The following ZNF571 variants were observed in gnomAD, a reference collection of about 807,000 sequenced individuals.
The protein encoded by ZNF571 is zinc finger protein 571.
ZNF571 carries 4 observed loss-of-function variants against 7.7 expected under a neutral mutation model. The ratio of observed to expected loss-of-function variants is 0.52; its 90% CI spans 0.25 to 1.18. The LOEUF is 1.18. ZNF571 is among the 50% of genes most tolerant of loss of function. The pLI is 0.14. For missense variants in ZNF571, 704 were observed against 726.9 expected (o/e 0.97, Z 0.36); for synonymous variants, 251 against 232.4 (o/e 1.08, Z -0.73).
intron 3 of ZNF571, among the ~76,000 whole-genome samples, chr19:37,572,538 A>T (rs4802036): frequency 1 from 152,318 of 152,318 alleles, 76,159 homozygotes; most frequent in Non-Finnish European, 1. Flanking sequence ...AAAAACACAT[A>T]ATATATATGG....
At chr19:37,568,710 G>A (rs1317780593) in intron 3 of ZNF571, among the ~76,000 whole-genome samples, 1 of 152,098 alleles carries the variant, frequency 6.6e-6, no homozygotes, top group African/African-American at 2.4e-5. Flanking sequence ...ATATAAAAAT[G>A]TATTCAATTA....
intron 1 of ZNF571, among the ~76,000 whole-genome samples, chr19:37,592,292 CGTTAT>C (rs1161908155): frequency 6.6e-6 from 1 of 152,070 alleles, no homozygotes; most frequent in Non-Finnish European, 1.5e-5. Context: ...CATAAGTGGA[CGTTAT>C]AACCTTTAGG....
intron 3 of ZNF571, among the ~76,000 whole-genome samples, chr19:37,576,419 G>C (rs1419644095): frequency 6.6e-6 from 1 of 152,116 alleles, no homozygotes; most frequent in Non-Finnish European, 1.5e-5. Context: ...AAATAAAATA[G>C]AGCAGGCTTC....
Position 37,564,712 on chromosome 19 carries a change from T to C in ZNF571, c.1716A>G (p.Glu572=). The C allele has an allele frequency of 6.2e-7, 1 of 1,613,634 alleles. No individual in the cohort carries two copies. The highest frequency in any genetic ancestry group is 1.3e-5 in the African/African-American group (1 of 75,040). ...TATGGATCCTTTGATGCAGAGTAAGTTCTGAGCCACGACTAAAGGCCCTCC... is the reference window on the plus strand; with the variant it reads ...TATGGATCCTTTGATGCAGAGTAAGCTCTGAGCCACGACTAAAGGCCCTCC... ...ECGRAFSRGS[E]LTLHQRIHTG... is the part of the protein sequence containing the mutation. The change falls in exon 4 of 4, where the codon GAA becomes GAG. Residue 572 remains glutamate, a synonymous_variant. Coordinates refer to ENST00000451802, the MANE Select transcript of ZNF571 (RefSeq NM_016536.5).
At position 37,565,397 on chromosome 19, in the gene ZNF571, A is replaced by G; in HGVS notation, c.1031T>C (p.Phe344Ser). ...TTCATTCAGTTGGGAGGCACATAAA[A>G]AGGCTTTCCCACATTCTTTACATAT... ...PYICKECGKA[F>S]LCASQLNEHQ... Residue 344 changes from phenylalanine to serine, a missense_variant, in exon 4 of 4, where the codon TTT becomes TCT. Coordinates refer to ENST00000451802, the MANE Select transcript of ZNF571 (RefSeq NM_016536.5). 1.2e-6 allele frequency: 2 copies of G among 1,613,758 alleles called. No homozygotes were observed. Among genetic ancestry groups the G allele is most frequent in the Non-Finnish European group, 1.7e-6 (2 of 1,179,860 alleles).
At chr19:37,578,947 G>A (rs2043346882) in intron 3 of ZNF571, among the ~76,000 whole-genome samples, 1 of 152,130 alleles carries the variant, frequency 6.6e-6, no homozygotes, top group African/African-American at 2.4e-5. Context: ...GTTTGGAAGG[G>A]AGGGAAGGGC....
In ZNF571 at chr19:37,564,619, TTGAG is replaced by T. The variant is rs765606452; in HGVS notation, c.1805_1808del (p.Thr602AsnfsTer65). 36 of 1,546,616 alleles carry T rather than the reference TTGAG, an allele frequency of 2.3e-5. No individual in the cohort carries two copies. Among genetic ancestry groups the T allele is most frequent in the Non-Finnish European group, 2.4e-5 (28 of 1,147,804 alleles). On this transcript the variant is annotated frameshift_variant, in exon 4 of 4. Coordinates refer to ENST00000451802, the MANE Select transcript of ZNF571 (RefSeq NM_016536.5). LOFTEE classifies it high-confidence loss of function. ...TTTCTCAATTATGAAGCCTTGTATGTTGAGTAAGTTGTGAAGGACATCTAAAGTC... is the reference window on the plus strand; with the variant it reads ...TTTCTCAATTATGAAGCCTTGTATGTTAAGTTGTGAAGGACATCTAAAGTC...
At chr19:37,571,621 A>G (rs530458914) in intron 3 of ZNF571, among the ~76,000 whole-genome samples, 14 of 152,358 alleles carry the variant, frequency 9.2e-5, no homozygotes, top group African/African-American at 3.4e-4. Flanking sequence ...ATGGTAAGAA[A>G]GCAATACACA....
intron 3 of ZNF571, among the ~76,000 whole-genome samples, chr19:37,568,654 G>A (rs1178472261): frequency 6.6e-6 from 1 of 152,090 alleles, no homozygotes; most frequent in Non-Finnish European, 1.5e-5. Flanking sequence ...AAAAAGTTAA[G>A]ATTAGAATAC....
intron 1 of ZNF571, among the ~76,000 whole-genome samples, chr19:37,590,579 T>C (rs1334330000): frequency 1.3e-5 from 2 of 152,116 alleles, no homozygotes; most frequent in Non-Finnish European, 2.9e-5. Flanking sequence ...TACACTAATA[T>C]AATTATAGAT....
At chr19:37,585,044 T>C (rs910848838) in intron 2 of ZNF571, 4 of 151,972 alleles carry the variant, frequency 2.6e-5, no homozygotes, top group Non-Finnish European at 4.4e-5. Flanking sequence ...AGAGTATGCA[T>C]CTGGCATGTT....
intron 1 of ZNF571, among the ~76,000 whole-genome samples, chr19:37,593,615 A>G (rs2043931579): frequency 6.6e-6 from 1 of 152,182 alleles, no homozygotes; most frequent in Non-Finnish European, 1.5e-5. Context: ...AGGCAGGAGA[A>G]TGGCGTGAAC....
In ZNF571 at chr19:37,586,705, GTTC is replaced by G. The variant is rs1568358699; in HGVS notation, c.-32_-30del. The G allele has an allele frequency of 1.9e-6, 3 of 1,613,802 alleles. No individual in the cohort carries two copies. The highest frequency in any genetic ancestry group is 1.7e-5 in the Admixed American group (1 of 59,978). ...TTTTTAGAACTGATCAATTTTCTGG[GTTC>G]TTCTCCTGGAGGTGTGCAAAGTCCA... On this transcript the variant is annotated 5_prime_UTR_variant, in exon 2 of 4. Coordinates refer to ENST00000451802, the MANE Select transcript of ZNF571 (RefSeq NM_016536.5).
At chr19:37,591,667 C>T (rs1179726624) in intron 1 of ZNF571, among the ~76,000 whole-genome samples, 4 of 152,136 alleles carry the variant, frequency 2.6e-5, no homozygotes, top group Non-Finnish European at 5.9e-5. Flanking sequence ...GCCTCAGCCT[C>T]CCGAGTAGCT....
At chr19:37,584,681 G>A (rs1461057566) in intron 2 of ZNF571, among the ~76,000 whole-genome samples, 3 of 151,986 alleles carry the variant, frequency 2.0e-5, no homozygotes, top group Non-Finnish European at 4.4e-5. Flanking sequence ...ACAAATTCTC[G>A]GCCGGGCGCG....
intron 2 of ZNF571, chr19:37,585,657 G>C (rs1034835152): frequency 2.6e-5 from 4 of 152,242 alleles, no homozygotes; most frequent in African/African-American, 9.6e-5. Context: ...CCTGAATAGA[G>C]CTAACCATCC....
intron 1 of ZNF571, chr19:37,587,156 A>T (rs2147205360): frequency 6.4e-6 from 1 of 155,152 alleles, no homozygotes; most frequent in South Asian, 2.0e-4. Flanking sequence ...CAGGGTCAAC[A>T]GATCCAAAAC....
rs537491552 is a variant in ZNF571, at chr19:37,584,679, T to C, written c.10-582A>G. On this transcript the variant is annotated intron_variant, in intron 2 of 3. Coordinates refer to ENST00000451802, the MANE Select transcript of ZNF571 (RefSeq NM_016536.5). ...GGGAGTATCTGAATTAGACAAATTC[T>C]CGGCCGGGCGCGGTGGCTCACGCTT... Among the ~76,000 whole-genome samples, 6 of 152,300 alleles carry C rather than the reference T, an allele frequency of 3.9e-5. No individual in the cohort carries two copies. The South Asian group carries it at 1.2e-3, about 32-fold the overall frequency.
rs572424305 is a variant in ZNF571, at chr19:37,568,603, G to A, written c.137-2312C>T. Among the ~76,000 whole-genome samples the A allele has an allele frequency of 8.8e-4, 134 of 152,278 alleles. 1 individual carries two copies. The highest frequency in any genetic ancestry group is 1.7e-3 in the Non-Finnish European group (114 of 68,026). On this transcript the variant is annotated intron_variant, in intron 3 of 3. Coordinates refer to ENST00000451802, the MANE Select transcript of ZNF571 (RefSeq NM_016536.5). Reference sequence around the variant, plus strand: ...GATTCTGGGGTAGGAGGCACTATGAGAACACAGGATGGTGCTAAACAGAAA... The same window carrying A: ...GATTCTGGGGTAGGAGGCACTATGAAAACACAGGATGGTGCTAAACAGAAA...
Sources: gnomAD v4.1 joint callset for allele counts (sites outside exome capture counted in the v4.1 genomes callset) on GRCh38, gnomAD v4.1.1 for gene constraint, MANE v1.5 for transcripts, NCBI Gene and HGNC (gene_info 2026-07-23, HGNC 2026-07-21) for gene names.